PARP8: variants seen among roughly 807,000 people sequenced by gnomAD.
PARP8 encodes protein mono-ADP-ribosyltransferase PARP8.
In PARP8, 51 loss-of-function variants were observed where a neutral mutation model predicts 124.1. The ratio of observed to expected loss-of-function variants is 0.41; its 90% CI spans 0.33 to 0.52. The LOEUF is 0.52. PARP8 is among the 20% of genes least tolerant of loss of function. The pLI is 0.21. For synonymous variants in PARP8, 391 were observed against 361.5 expected (o/e 1.08, Z -0.93); for missense variants, 860 against 1,018.9 (o/e 0.84, Z 2.12).
At chr5:50,667,922 G>C in intron 1 of PARP8, 149 bp from the exon 2 acceptor site, 2 of 1,521,148 alleles carry the variant, frequency 1.3e-6, no homozygotes, top group Non-Finnish European at 1.8e-6. Context: ...CCCCTCGGAC[G>C]CGGCGCAGAG....
At chr5:50,674,076 C>G (rs1427974588) in intron 2 of PARP8, among the ~76,000 whole-genome samples, 1 of 152,184 alleles carries the variant, frequency 6.6e-6, no homozygotes, top group Non-Finnish European at 1.5e-5. Flanking sequence ...CCAGGAAAGA[C>G]TAGTAAGATG....
intron 9 of PARP8, among the ~76,000 whole-genome samples, chr5:50,780,021 GA>G (rs1470171417): frequency 1.3e-5 from 2 of 152,076 alleles, no homozygotes; most frequent in East Asian, 3.8e-4. Flanking sequence ...TATGTAATAA[GA>G]AAAGGAATTT....
rs1748249845 is a variant in PARP8 at position 50,842,178 on chromosome 5, C to A, written c.*110C>A. ...TTATTGTTATTATAAACAAAATTAA[C>A]CCTTTGAATACTGATTTTTTTTCTT... On this transcript the variant is annotated 3_prime_UTR_variant, in exon 26 of 26. Transcript: ENST00000281631. 4.1e-6 allele frequency: 3 copies of A among 730,172 alleles called. No homozygotes were observed. The highest frequency in any genetic ancestry group is 6.7e-6 in the Non-Finnish European group (3 of 448,824). 45.2% of individuals were successfully genotyped at this position (730,172 alleles called of 1,614,324 possible).
intron 2 of PARP8, among the ~76,000 whole-genome samples, chr5:50,683,632 A>AT (rs34331466): frequency 6.6e-6 from 1 of 151,890 alleles, no homozygotes; most frequent in Non-Finnish European, 1.5e-5. Context: ...GTGTGTAGTT[A>AT]TTTTTCCTTT....
intron 2 of PARP8, among the ~76,000 whole-genome samples, chr5:50,709,038 C>T (rs1754452777): frequency 6.6e-6 from 1 of 152,048 alleles, no homozygotes; most frequent in African/African-American, 2.4e-5. Flanking sequence ...CTTCCCACCT[C>T]AGCCTCCCAA....
At chr5:50,827,894 A>G in intron 19 of PARP8, 50 bp from the exon 20 acceptor site, 1 of 1,314,414 alleles carries the variant, frequency 7.6e-7, no homozygotes, top group Non-Finnish European at 1.1e-6. Flanking sequence ...ATCAGCCTGA[A>G]TATATGTTAA....
chr5:50,746,296 C>G (rs1758534764), intron 2 of PARP8, among the ~76,000 whole-genome samples: 1 of 152,044 alleles, frequency 6.6e-6, no homozygotes, highest in South Asian at 2.1e-4. Flanking sequence ...ATGGATATGT[C>G]TCTAAAAAAG....
chr5:50,686,958 G>A (rs1304641555), intron 2 of PARP8, among the ~76,000 whole-genome samples: 6 of 152,160 alleles, frequency 3.9e-5, no homozygotes, highest in Admixed American at 1.3e-4. Context: ...CCTTTGACAT[G>A]CCCTGGAGAC....
At chr5:50,702,440 A>T (rs1431419798) in intron 2 of PARP8, among the ~76,000 whole-genome samples, 1 of 152,180 alleles carries the variant, frequency 6.6e-6, no homozygotes, top group Non-Finnish European at 1.5e-5. Flanking sequence ...AGTTGAAAGT[A>T]GTCTGAAATG....
intron 2 of PARP8, among the ~76,000 whole-genome samples, chr5:50,697,205 G>A (rs1173362397): frequency 1.3e-5 from 2 of 152,134 alleles, no homozygotes; most frequent in African/African-American, 2.4e-5. Context: ...GCAGTGAGCC[G>A]AGATTGTGCC....
intron 2 of PARP8, among the ~76,000 whole-genome samples, chr5:50,693,735 ACAT>A (rs1236606729): frequency 2.0e-5 from 3 of 151,572 alleles, no homozygotes; most frequent in East Asian, 1.9e-4. Context: ...TCGTATAATC[ACAT>A]CATATAAATT....
intron 21 of PARP8, among the ~76,000 whole-genome samples, chr5:50,828,638 G>T (rs1395614296): frequency 6.6e-6 from 1 of 152,084 alleles, no homozygotes; most frequent in African/African-American, 2.4e-5. Flanking sequence ...CCAGCACTTT[G>T]GGAAGCTGAG....
chr5:50,777,249 G>A (rs529924853), intron 7 of PARP8, among the ~76,000 whole-genome samples: 2 of 152,296 alleles, frequency 1.3e-5, no homozygotes, highest in East Asian at 1.9e-4. Context: ...ATTATCACAT[G>A]TATGTAAGAT....
At chr5:50,756,128 C>A (rs533391273) in intron 3 of PARP8, among the ~76,000 whole-genome samples, 2 of 152,292 alleles carry the variant, frequency 1.3e-5, no homozygotes, top group Non-Finnish European at 2.9e-5. Context: ...CATCTGCAAA[C>A]AGGGACAATT....
At position 50,739,157 on chromosome 5, in the gene PARP8, G is replaced by A. The variant is rs1413370228; in HGVS notation, c.147-10994G>A. On this transcript the variant is annotated intron_variant, in intron 2 of 25. Transcript: ENST00000281631. ...AACCAACAACCATTGAGGCCAAAGT[G>A]TAGGACACAGGCTAGGTAACTCCTT... The A allele has an allele frequency of 1.4e-4, 94 of 688,170 alleles. 1 individual carries two copies. In the South Asian group the frequency reaches 1.4e-3, roughly 10 times the overall value. 42.6% of individuals were successfully genotyped at this position (688,170 alleles called of 1,614,324 possible).
intron 21 of PARP8, among the ~76,000 whole-genome samples, chr5:50,828,731 A>T (rs975701739): frequency 1.4e-4 from 21 of 147,158 alleles, no homozygotes; most frequent in South Asian, 8.6e-4. Context: ...AATACAAATT[A>T]TATATATATA....
At chr5:50,724,329 G>T (rs1325990711) in intron 2 of PARP8, among the ~76,000 whole-genome samples, 3 of 152,008 alleles carry the variant, frequency 2.0e-5, no homozygotes, top group Non-Finnish European at 2.9e-5. Context: ...TAAGTTTTCA[G>T]TAGATGCATT....
intron 7 of PARP8, among the ~76,000 whole-genome samples, chr5:50,774,653 G>A (rs1313172981): frequency 1.4e-4 from 20 of 141,344 alleles, no homozygotes; most frequent in East Asian, 1.3e-3. Flanking sequence ...GGGCAGAGGC[G>A]CTCCTCACTT....
In PARP8 at chr5:50,732,541, A is replaced by G. The variant is rs552810275; in HGVS notation, c.147-17610A>G. Among the ~76,000 whole-genome samples the G allele has an allele frequency of 2.0e-5, 3 of 152,344 alleles. No homozygotes were observed. The East Asian group carries it at 5.8e-4, about 29-fold the overall frequency. ...AGTTGACTAATTTGGCTTTGAGAACATAGTAGTAAAAGTTGTTATTTTAAT... is the reference window on the plus strand; with the variant it reads ...AGTTGACTAATTTGGCTTTGAGAACGTAGTAGTAAAAGTTGTTATTTTAAT... On this transcript the variant is annotated intron_variant, in intron 2 of 25. Coordinates refer to ENST00000281631, the MANE Select transcript of PARP8 (RefSeq NM_024615.4).
Sources: gnomAD v4.1 joint callset for allele counts (sites outside exome capture counted in the v4.1 genomes callset) on GRCh38, gnomAD v4.1.1 for gene constraint, MANE v1.5 for transcripts, NCBI Gene and HGNC (gene_info 2026-07-23, HGNC 2026-07-21) for gene names.